Variants in AXDND1 observed in about 807,000 individuals in gnomAD.
AXDND1 encodes the protein axonemal dynein light chain domain-containing protein 1.
Under a neutral mutation model 137.5 loss-of-function variants are expected in AXDND1, and 110 were observed. That is an observed-to-expected ratio of 0.80 (90% CI 0.69 to 0.94). The LOEUF (loss-of-function observed/expected upper bound fraction) is 0.94. AXDND1 is among the 40% of genes least tolerant of loss of function. The pLI is 0.00. For synonymous variants in AXDND1, 414 were observed against 399.7 expected (o/e 1.04, Z -0.43); for missense variants, 1,191 against 1,169.8 (o/e 1.02, Z -0.26).
At chr1:179,535,220 T>A (rs1671422321) in intron 25 of AXDND1, among the ~76,000 whole-genome samples, 1 of 152,088 alleles carries the variant, frequency 6.6e-6, no homozygotes, top group Non-Finnish European at 1.5e-5. Context: ...GGCAAAGGTT[T>A]TTTTTTTCTT....
chr1:179,459,691 CTTTCTTTCTTTCCTTTCTTTCTT>C (rs1304639627), intron 16 of AXDND1, among the ~76,000 whole-genome samples: 9 of 139,688 alleles, frequency 6.4e-5, no homozygotes, highest in African/African-American at 2.5e-4. Flanking sequence ...CTTTTCTTTT[CTTTCTTTCTTTCCTTTCTTTCTT>C]TTTCTTTCTT....
chr1:179,431,172 T>TA (rs1657319673), intron 14 of AXDND1, among the ~76,000 whole-genome samples: 1 of 152,112 alleles, frequency 6.6e-6, no homozygotes, highest in Non-Finnish European at 1.5e-5. Flanking sequence ...GACTGGGTCT[T>TA]ATTCTGTCAC....
At chr1:179,385,398 T>G (rs749311397) in intron 9 of AXDND1, 39 bp downstream of exon 9, 1 of 1,610,340 alleles carries the variant, frequency 6.2e-7, no homozygotes, top group Non-Finnish European at 8.5e-7. Context: ...TTCCTTTTGA[T>G]TTTTATATTA....
intron 14 of AXDND1, among the ~76,000 whole-genome samples, chr1:179,431,560 G>GT (rs776648052): frequency 0.048 from 6,937 of 145,608 alleles, 218 homozygotes; most frequent in Non-Finnish European, 0.072. Flanking sequence ...GATTTCTAAG[G>GT]TTTTTTTTTT....
At chr1:179,424,347 T>G (rs1391389976) in intron 12 of AXDND1, among the ~76,000 whole-genome samples, 1 of 152,076 alleles carries the variant, frequency 6.6e-6, no homozygotes, top group Non-Finnish European at 1.5e-5. Flanking sequence ...TGGTCTTGTT[T>G]GGGTCACATC....
intron 17 of AXDND1, among the ~76,000 whole-genome samples, chr1:179,474,707 T>C (rs779115004): frequency 1.3e-5 from 2 of 152,004 alleles, no homozygotes; most frequent in Non-Finnish European, 2.9e-5. Flanking sequence ...GTTTGGAAAA[T>C]TTGCAGCCTG....
At chr1:179,526,024 T>C (rs2125687892) in intron 22 of AXDND1, among the ~76,000 whole-genome samples, 1 of 152,280 alleles carries the variant, frequency 6.6e-6, no homozygotes, top group East Asian at 1.9e-4. Context: ...TCATTTATAC[T>C]TTTATTCCTA....
chr1:179,534,024 G>A (rs1437495779), intron 24 of AXDND1, 147 bp downstream of exon 24: 5 of 633,900 alleles, frequency 7.9e-6, no homozygotes, highest in African/African-American at 1.8e-5. Context: ...TGTTCTGCTA[G>A]AGGCAGTAAA....
intron 25 of AXDND1, among the ~76,000 whole-genome samples, chr1:179,553,746 TTTC>T (rs1673649734): frequency 6.6e-6 from 1 of 152,064 alleles, no homozygotes; most frequent in African/African-American, 2.4e-5. Flanking sequence ...AAATGTGACA[TTTC>T]TTTTTTTCTT....
Position 179,487,995 on chromosome 1 carries a change from CAAAAAAAA to C in AXDND1, c.2092-3530_2092-3523del, listed in dbSNP as rs71114524. On this transcript the variant is annotated intron_variant, in intron 18 of 25. Transcript: ENST00000367618. The stretch of plus-strand genomic sequence containing the variant: ...TGTGAAACAGAGTGAGACCATGTCT[CAAAAAAAA>C]AAAAAAAAAAAAGAGAAATTTCAAT... Among the ~76,000 whole-genome samples the C allele has an allele frequency of 7.3e-4, 74 of 101,488 alleles. 2 individuals carry two copies. The highest frequency in any genetic ancestry group is 1.6e-3 in the East Asian group (7 of 4,456). The allele number at this position is 101,488 out of a possible 152,430, so 66.6% of individuals were successfully genotyped here.
chr1:179,451,383 CAGTT>C (rs1660531296), intron 16 of AXDND1: 3 of 151,062 alleles, frequency 2.0e-5, no homozygotes, highest in South Asian at 4.2e-4. Context: ...TATTTCTCCA[CAGTT>C]GGTAGTAATG....
At chr1:179,523,891 T>A (rs1670299250) in intron 21 of AXDND1, among the ~76,000 whole-genome samples, 1 of 152,156 alleles carries the variant, frequency 6.6e-6, no homozygotes, top group African/African-American at 2.4e-5. Context: ...ATCCCCAAAG[T>A]CCATTGTATC....
chr1:179,436,911 T>C (rs1658237992), intron 15 of AXDND1, among the ~76,000 whole-genome samples: 1 of 152,046 alleles, frequency 6.6e-6, no homozygotes, highest in Admixed American at 6.6e-5. Context: ...AGCTTTACAC[T>C]TTTTTCTTCT....
intron 25 of AXDND1, among the ~76,000 whole-genome samples, chr1:179,546,904 T>C (rs976152978): frequency 2.0e-5 from 3 of 152,234 alleles, no homozygotes; most frequent in African/African-American, 7.2e-5. Flanking sequence ...TTGGTCTCAC[T>C]GACTTGACTA....
At position 179,552,573 on chromosome 1, in the gene AXDND1, G is replaced by T. The variant is rs372056057; in HGVS notation, c.3032-1939G>T. 51 of 1,585,020 alleles carry T rather than the reference G, an allele frequency of 3.2e-5. No homozygotes were observed. The East Asian group carries it at 4.9e-4, about 15-fold the overall frequency. ...CTCCACGAGCAGGCCTTCCTAAAGG[G>T]CAGTCTGGGTGGGAGGATGGAGTGC... is the stretch of plus-strand genomic sequence containing the variant. On this transcript the variant is annotated intron_variant, in intron 25 of 25. Transcript: ENST00000367618.
At chr1:179,542,904 C>T (rs7551610) in intron 25 of AXDND1, among the ~76,000 whole-genome samples, 48,360 of 152,070 alleles carry the variant, frequency 0.32, 8,350 homozygotes, top group Middle Eastern at 0.43. Flanking sequence ...GAAGATGAGA[C>T]GCCTTGCAAA....
rs918821730 is a variant in AXDND1, at chr1:179,379,279, C to A, written c.496-118C>A. The A allele has an allele frequency of 1.6e-5, 17 of 1,091,300 alleles. No individual in the cohort carries two copies. In the East Asian group the frequency reaches 4.7e-4, roughly 30 times the overall value. 67.6% of individuals were successfully genotyped at this position (1,091,300 alleles called of 1,614,324 possible). On this transcript the variant is annotated intron_variant, in intron 5 of 25. Transcript: ENST00000367618. ...TTGCTAATATTGTTATTTCTCCAAT[C>A]AAAATTTTTCAACTTAAAAAATAGT...
chr1:179,507,911 C>T (rs931107845), intron 20 of AXDND1, among the ~76,000 whole-genome samples: 5 of 152,346 alleles, frequency 3.3e-5, no homozygotes, highest in South Asian at 2.1e-4. Flanking sequence ...AGATACCATT[C>T]TAACCCTCTG....
intron 20 of AXDND1, chr1:179,506,923 G>A (rs528510941): frequency 1.0e-6 from 1 of 985,102 alleles, no homozygotes; most frequent in Admixed American, 6.1e-5. Flanking sequence ...AGATGTTTTA[G>A]CAGGTAAATT....
Sources: gnomAD v4.1 joint callset for allele counts (sites outside exome capture counted in the v4.1 genomes callset) on GRCh38, gnomAD v4.1.1 for gene constraint, MANE v1.5 for transcripts, NCBI Gene and HGNC (gene_info 2026-07-23, HGNC 2026-07-21) for gene names.